The following TSPAN9 variants were observed in gnomAD, a reference collection of about 807,000 sequenced individuals.
TSPAN9 encodes the protein tetraspanin-9.
Under a neutral mutation model 31.0 loss-of-function variants are expected in TSPAN9, and 16 were observed. That is an observed-to-expected ratio of 0.52 (90% CI 0.35 to 0.78). TSPAN9 has a LOEUF of 0.78. Ranked by LOEUF, TSPAN9 falls within the 30% of genes least tolerant of loss-of-function variation. TSPAN9 has a pLI of 0.01. For missense variants in TSPAN9, 272 were observed against 312.5 expected (o/e 0.87, Z 0.98); for synonymous variants, 145 against 121.6 (o/e 1.19, Z -1.27).
chr12:3,197,850 T>C (rs1163429141), intron 2 of TSPAN9, among the ~76,000 whole-genome samples: 27 of 26,110 alleles, frequency 1.0e-3, no homozygotes, highest in African/African-American at 3.3e-3. Flanking sequence ...CCAGCACAGG[T>C]CACCAGCACA....
intron 1 of TSPAN9, among the ~76,000 whole-genome samples, chr12:3,079,527 T>C (rs2098296761): frequency 6.6e-6 from 1 of 152,204 alleles, no homozygotes; most frequent in Admixed American, 6.5e-5. Context: ...GATGGCACTA[T>C]CTCGGCTCAC....
rs777824614 is a variant in TSPAN9 at position 3,168,393 on chromosome 12, G to T, written c.-17-32784G>T. Among the ~76,000 whole-genome samples the T allele has an allele frequency of 2.0e-5, 3 of 152,216 alleles. No individual in the cohort carries two copies. Among genetic ancestry groups the T allele is most frequent in the Non-Finnish European group, 4.4e-5 (3 of 68,050 alleles). On this transcript the variant is annotated intron_variant, in intron 2 of 8. Transcript: ENST00000011898. The surrounding 1 kb of genome is among the most constrained non-coding windows in gnomAD (Gnocchi z 4.0). ...GCCTTCGCAATATGTTCCGGGTGCTGTAGGGGTGCTGGGTGAACAAGAACT... is the reference window on the plus strand; with the variant it reads ...GCCTTCGCAATATGTTCCGGGTGCTTTAGGGGTGCTGGGTGAACAAGAACT...
At position 3,187,839 on chromosome 12, in the gene TSPAN9, T is replaced by C. The variant is rs892609674; in HGVS notation, c.-17-13338T>C. Among the ~76,000 whole-genome samples, 1 of 152,120 alleles carries C rather than the reference T, an allele frequency of 6.6e-6. No homozygotes were observed. The highest frequency in any genetic ancestry group is 1.5e-5 in the Non-Finnish European group (1 of 68,032). Reference sequence around the variant, plus strand: ...ATGGGCCAGACTCTCCCTGGGCAGGTCCTCGGGGCACTCCCAGGCTGAACC... The same window carrying C: ...ATGGGCCAGACTCTCCCTGGGCAGGCCCTCGGGGCACTCCCAGGCTGAACC... On this transcript the variant is annotated intron_variant, in intron 2 of 8. Coordinates refer to ENST00000011898, the MANE Select transcript of TSPAN9 (RefSeq NM_006675.5). This position sits in a 1 kb window ranked among gnomAD's most constrained non-coding sequence, Gnocchi z 5.2.
In TSPAN9 at chr12:3,107,554, T is replaced by G. The variant is rs1178439967; in HGVS notation, c.-18+23835T>G. Among the ~76,000 whole-genome samples, 1 of 152,162 alleles carries G rather than the reference T, an allele frequency of 6.6e-6. No homozygotes were observed. The highest frequency in any genetic ancestry group is 1.5e-5 in the Non-Finnish European group (1 of 68,026). On this transcript the variant is annotated intron_variant, in intron 2 of 8. Transcript: ENST00000011898. The surrounding 1 kb of genome is among the most constrained non-coding windows in gnomAD (Gnocchi z 4.1). The stretch of plus-strand genomic sequence containing the variant: ...AGCCCCCCTATCCCTGTGCCCTTCA[T>G]CTGGGGCCATGCATGCCTCTTGTTA...
At chr12:3,138,848 C>T (rs1253645365) in intron 2 of TSPAN9, among the ~76,000 whole-genome samples, 2 of 152,172 alleles carry the variant, frequency 1.3e-5, no homozygotes, top group South Asian at 2.1e-4. Flanking sequence ...CTGCACTTAT[C>T]TGACTGCTGG....
intron 3 of TSPAN9, among the ~76,000 whole-genome samples, chr12:3,232,048 T>C (rs555080129): frequency 2.0e-5 from 3 of 152,260 alleles, no homozygotes; most frequent in African/African-American, 7.2e-5. Context: ...CTTCCAGAGG[T>C]CCCTTCTGTC....
Position 3,087,807 on chromosome 12 carries a change from G to GA in TSPAN9, c.-18+4099dup, listed in dbSNP as rs558772220. Among the ~76,000 whole-genome samples, 170 of 147,772 alleles carry GA rather than the reference G, an allele frequency of 1.2e-3. 2 individuals are homozygous for GA. In the South Asian group the frequency reaches 0.025, roughly 22 times the overall value. On this transcript the variant is annotated intron_variant, in intron 2 of 8. Coordinates refer to ENST00000011898, the MANE Select transcript of TSPAN9 (RefSeq NM_006675.5). ...GCAACAGAGCCAAGACTCCATCTTGGAAAAAAAAAAATGTCAGTATATACC... is the reference window on the plus strand; with the variant it reads ...GCAACAGAGCCAAGACTCCATCTTGGAAAAAAAAAAAATGTCAGTATATACC...
intron 2 of TSPAN9, among the ~76,000 whole-genome samples, chr12:3,139,809 T>C (rs2098333899): frequency 6.6e-6 from 1 of 152,094 alleles, no homozygotes; most frequent in Admixed American, 6.5e-5. Flanking sequence ...CGGCCTCCCC[T>C]AGTGTTAGGA....
At chr12:3,231,084 G>A (rs751368211) in intron 3 of TSPAN9, among the ~76,000 whole-genome samples, 1 of 152,174 alleles carries the variant, frequency 6.6e-6, no homozygotes, top group Non-Finnish European at 1.5e-5. Flanking sequence ...GCTTGCCTGG[G>A]TGTGTAAGGA....
chr12:3,131,880 A>G (rs1028737163), intron 2 of TSPAN9, among the ~76,000 whole-genome samples: 4 of 152,160 alleles, frequency 2.6e-5, no homozygotes, highest in African/African-American at 9.7e-5. Context: ...ACTTGCTTCC[A>G]TGGCTTCTTC....
chr12:3,133,107 G>A (rs1053707403), intron 2 of TSPAN9, among the ~76,000 whole-genome samples: 4 of 152,268 alleles, frequency 2.6e-5, no homozygotes, highest in African/African-American at 9.6e-5. Context: ...ACTGTCCCTC[G>A]GTGAAGGAAT....
chr12:3,198,771 G>C lies in TSPAN9; in HGVS notation c.-17-2406G>C, dbSNP rs1199093309. ...CCAGCACAGCTCACCACCAGCACAG[G>C]CCACCACCAGCACAGGCCACCACCA... On this transcript the variant is annotated intron_variant, in intron 2 of 8. Coordinates refer to ENST00000011898, the MANE Select transcript of TSPAN9 (RefSeq NM_006675.5). Among the ~76,000 whole-genome samples, 79 of 60,974 alleles carry C rather than the reference G, an allele frequency of 1.3e-3. 3 individuals carry two copies. The highest frequency in any genetic ancestry group is 0.014 in the Middle Eastern group (1 of 74). The allele number at this position is 60,974 out of a possible 152,430, so 40.0% of individuals were successfully genotyped here.
rs10848811 is a variant in TSPAN9, at chr12:3,143,690, T to C, written c.-17-57487T>C. ...AGCACAATAGATATTTATTTTGTTG[T>C]TCAACTTGCTGCAGCCTTGGCCATG... is the stretch of plus-strand genomic sequence containing the variant. On this transcript the variant is annotated intron_variant, in intron 2 of 8. Coordinates refer to ENST00000011898, the MANE Select transcript of TSPAN9 (RefSeq NM_006675.5). This position sits in a 1 kb window ranked among gnomAD's most constrained non-coding sequence, Gnocchi z 4.2. Among the ~76,000 whole-genome samples the C allele has an allele frequency of 0.091, 13,877 of 152,302 alleles. 954 individuals are homozygous for C. Among genetic ancestry groups the C allele is most frequent in the African/African-American group, 0.18 (7,582 of 41,544 alleles).
chr12:3,175,558 C>G (rs1055890491), intron 2 of TSPAN9, among the ~76,000 whole-genome samples: 1 of 152,236 alleles, frequency 6.6e-6, no homozygotes, highest in Non-Finnish European at 1.5e-5. Context: ...GACCCAGCCT[C>G]TCTCGCTGTG....
intron 2 of TSPAN9, among the ~76,000 whole-genome samples, chr12:3,198,837 ACACCAGCACAGGTCAC>A (rs1555150742): frequency 4.6e-4 from 6 of 13,124 alleles, no homozygotes; most frequent in African/African-American, 7.7e-4. Flanking sequence ...AGCACAGGTC[ACACCAGCACAGGTCAC>A]CACCAGCACA....
intron 2 of TSPAN9, among the ~76,000 whole-genome samples, chr12:3,087,668 T>C (rs1468370463): frequency 6.6e-6 from 1 of 150,792 alleles, no homozygotes; most frequent in Non-Finnish European, 1.5e-5. Flanking sequence ...TAGCCGGGCT[T>C]GGTGGTGCGC....
intron 3 of TSPAN9, among the ~76,000 whole-genome samples, chr12:3,269,979 C>T (rs1278633168): frequency 1.3e-5 from 2 of 152,336 alleles, no homozygotes; most frequent in Non-Finnish European, 2.9e-5. Context: ...TGAATGATCA[C>T]TCCTCTTCTA....
At chr12:3,236,049 G>C (rs1003559) in intron 3 of TSPAN9, among the ~76,000 whole-genome samples, 104,921 of 152,178 alleles carry the variant, frequency 0.69, 36,331 homozygotes, top group South Asian at 0.89. Flanking sequence ...GCAAACTTCC[G>C]CAGGGCTAGG....
At chr12:3,141,079 G>C (rs149734922) in intron 2 of TSPAN9, among the ~76,000 whole-genome samples, 1,588 of 152,022 alleles carry the variant, frequency 0.01, 11 homozygotes, top group Non-Finnish European at 0.016. Context: ...TTCAGTTGAC[G>C]AGGACCACGG....
Sources: allele counts gnomAD v4.1 joint callset (sites outside exome capture counted in the v4.1 genomes callset), GRCh38; gene constraint gnomAD v4.1.1; non-coding constraint Gnocchi (gnomAD v3.1); transcripts MANE v1.5; gene names NCBI Gene and HGNC (gene_info 2026-07-23, HGNC 2026-07-21).